COL19A1: variants seen among roughly 807,000 people sequenced by gnomAD.
COL19A1 encodes the protein collagen type XIX alpha 1 chain, also known as collagen alpha-1(XIX) chain.
Under a neutral mutation model 190.2 loss-of-function variants are expected in COL19A1, and 159 were observed. The ratio of observed to expected loss-of-function variants is 0.84; its 90% CI spans 0.73 to 0.95. The LOEUF (loss-of-function observed/expected upper bound fraction) is 0.95, where lower values mean the gene tolerates loss of function less well. Ranked by LOEUF, COL19A1 falls within the 40% of genes least tolerant of loss-of-function variation. COL19A1 has a pLI of 0.00. For missense variants in COL19A1, 1,418 were observed against 1,431.9 expected (o/e 0.99, Z 0.16); for synonymous variants, 509 against 458.9 (o/e 1.11, Z -1.39).
At chr6:70,122,930 T>G (rs1229312753) in intron 17 of COL19A1, among the ~76,000 whole-genome samples, 1 of 152,232 alleles carries the variant, frequency 6.6e-6, no homozygotes, top group African/African-American at 2.4e-5. Context: ...TTTATAAATT[T>G]GATAGTGATG....
rs577601103 is a variant in COL19A1 at position 69,921,551 on chromosome 6, CAT to C, written c.267-6349_267-6348del. On this transcript the variant is annotated intron_variant, in intron 4 of 50. Coordinates refer to ENST00000620364, the MANE Select transcript of COL19A1 (RefSeq NM_001858.6). Reference sequence around the variant, plus strand: ...ATATTCATGTATATTCATATATATTCATATATATATTCGTATATATTCATATA... The same window carrying C: ...ATATTCATGTATATTCATATATATTCATATATATTCGTATATATTCATATA... Among the ~76,000 whole-genome samples the C allele has an allele frequency of 7.8e-3, 871 of 111,306 alleles. 21 individuals carry two copies. The highest frequency in any genetic ancestry group is 0.027 in the South Asian group (91 of 3,388). The allele number at this position is 111,306 out of a possible 152,430, so 73.0% of individuals were successfully genotyped here.
rs1281367352 is a variant in COL19A1 at position 69,929,460 on chromosome 6, G to A, written c.426G>A (p.Val142=). 6.2e-7 allele frequency: 1 copy of A among 1,613,774 alleles called. No individual in the cohort carries two copies. The highest frequency in any genetic ancestry group is 8.5e-7 in the Non-Finnish European group (1 of 1,179,910). The change falls in exon 6 of 51, where the codon GTG becomes GTA. Residue 142 remains valine, a synonymous_variant. Transcript: ENST00000620364. ...TAGTTGATGGTGGAAAGAAGGTGGTGGAATTTATGTTTCAAGCCACAGAGG... is the reference window on the plus strand; with the variant it reads ...TAGTTGATGGTGGAAAGAAGGTGGTAGAATTTATGTTTCAAGCCACAGAGG... ...SIVVDGGKKV[V]EFMFQATEGD...
intron 15 of COL19A1, among the ~76,000 whole-genome samples, chr6:70,070,483 C>T (rs532288517): frequency 1.0e-3 from 159 of 152,212 alleles, no homozygotes; most frequent in African/African-American, 3.5e-3. Flanking sequence ...ATTATTGCTA[C>T]TGCTCTTTCC....
At position 70,142,750 on chromosome 6, in the gene COL19A1, A is replaced by G. The variant is rs751020342; in HGVS notation, c.1573-17A>G. 6.2e-7 allele frequency: 1 copy of G among 1,606,954 alleles called. No individual in the cohort carries two copies. The highest frequency in any genetic ancestry group is 1.3e-5 in the African/African-American group (1 of 74,312). On this transcript the variant is annotated splice_polypyrimidine_tract_variant and intron_variant, in intron 22 of 50. Transcript: ENST00000620364. ...CTTTTTTAGCAAAGCTAAAGTATAT[A>G]CCACCTTTTATTTTAGGGTCAGCAA...
intron 22 of COL19A1, 82 bp from the exon 23 acceptor site, chr6:70,142,685 A>G: frequency 2.4e-6 from 3 of 1,272,026 alleles, no homozygotes; most frequent in East Asian, 2.3e-5. Context: ...AGATCACACT[A>G]TTCTTTACAA....
At chr6:70,103,353 T>C (rs1294723807) in intron 16 of COL19A1, among the ~76,000 whole-genome samples, 1 of 152,174 alleles carries the variant, frequency 6.6e-6, no homozygotes, top group African/African-American at 2.4e-5. Context: ...CTGGTCTCAT[T>C]GCCTCTACCT....
chr6:70,062,800 T>C (rs1301083658), intron 14 of COL19A1, among the ~76,000 whole-genome samples: 1 of 151,336 alleles, frequency 6.6e-6, no homozygotes, highest in Non-Finnish European at 1.5e-5. Context: ...ACCAAGCAAA[T>C]GGAAAACAAA....
intron 14 of COL19A1, among the ~76,000 whole-genome samples, chr6:70,064,490 C>G (rs1781051937): frequency 6.6e-6 from 1 of 152,078 alleles, no homozygotes; most frequent in Non-Finnish European, 1.5e-5. Flanking sequence ...TATGACAAAC[C>G]CACAGCCAAT....
chr6:70,151,142 T>C (rs1787032037), intron 30 of COL19A1, among the ~76,000 whole-genome samples: 1 of 152,110 alleles, frequency 6.6e-6, no homozygotes, highest in East Asian at 1.9e-4. Flanking sequence ...GGATGCACAG[T>C]CAAAACTATG....
At chr6:70,111,252 T>C (rs1180169493) in intron 16 of COL19A1, among the ~76,000 whole-genome samples, 1 of 152,196 alleles carries the variant, frequency 6.6e-6, no homozygotes, top group Non-Finnish European at 1.5e-5. Flanking sequence ...GCAGTCAGTT[T>C]TCTCTGCACA....
At chr6:70,050,692 C>A (rs1562120893) in intron 14 of COL19A1, among the ~76,000 whole-genome samples, 1 of 152,026 alleles carries the variant, frequency 6.6e-6, no homozygotes. Flanking sequence ...GCTACCAAAC[C>A]TAATTAATTT....
intron 41 of COL19A1, among the ~76,000 whole-genome samples, chr6:70,175,135 T>A (rs1301101690): frequency 6.6e-6 from 1 of 152,206 alleles, no homozygotes; most frequent in African/African-American, 2.4e-5. Flanking sequence ...CCTGTTTATG[T>A]CCTTTACCCA....
chr6:69,933,000 A>T (rs1234341294), intron 7 of COL19A1, 137 bp downstream of exon 7: 2 of 534,586 alleles, frequency 3.7e-6, no homozygotes, highest in Non-Finnish European at 6.6e-6. Context: ...CCTAGTAAGG[A>T]AGCATTCATA....
At chr6:69,928,174 C>A in intron 5 of COL19A1, 142 bp downstream of exon 5, 1 of 1,067,302 alleles carries the variant, frequency 9.4e-7, no homozygotes, top group Non-Finnish European at 1.3e-6. Context: ...CAAGAAAATG[C>A]AAGTATTCTC....
intron 31 of COL19A1, among the ~76,000 whole-genome samples, chr6:70,154,906 G>A (rs1014883284): frequency 5.3e-5 from 8 of 152,092 alleles, no homozygotes; most frequent in South Asian, 4.1e-4. Context: ...TATTCTAGCC[G>A]AGCTGGCACC....
chr6:70,073,639 C>T (rs1289468600), intron 15 of COL19A1, among the ~76,000 whole-genome samples: 1 of 152,082 alleles, frequency 6.6e-6, no homozygotes, highest in East Asian at 1.9e-4. Context: ...CCTAGATGTC[C>T]ATGCCCATTT....
chr6:70,157,203 C>A (rs889543578), intron 34 of COL19A1, among the ~76,000 whole-genome samples: 5 of 151,962 alleles, frequency 3.3e-5, no homozygotes, highest in African/African-American at 4.8e-5. Context: ...GCTCAGCTTT[C>A]AAATTCTTGG....
intron 17 of COL19A1, among the ~76,000 whole-genome samples, chr6:70,122,412 G>A (rs1486422880): frequency 4.3e-5 from 3 of 69,810 alleles, no homozygotes; most frequent in South Asian, 4.7e-4. Context: ...ATTTCCCCAC[G>A]GTTTTTTTTA....
chr6:70,063,662 A>C (rs556524470), intron 14 of COL19A1, among the ~76,000 whole-genome samples: 39 of 152,246 alleles, frequency 2.6e-4, no homozygotes, highest in Middle Eastern at 3.4e-3. Context: ...AGAGACACAA[A>C]AAACCCTTCA....
Sources: gnomAD v4.1 joint callset for allele counts (sites outside exome capture counted in the v4.1 genomes callset) on GRCh38, gnomAD v4.1.1 for gene constraint, MANE v1.5 for transcripts, NCBI Gene and HGNC (gene_info 2026-07-23, HGNC 2026-07-21) for gene names.